The following ADGRL2 variants were observed in gnomAD, a reference collection of about 807,000 sequenced individuals.
ADGRL2 encodes the protein adhesion G protein-coupled receptor L2.
In ADGRL2, 44 loss-of-function variants were observed where a neutral mutation model predicts 157.4. That is an observed-to-expected ratio of 0.28 (90% CI 0.22 to 0.36). The LOEUF (loss-of-function observed/expected upper bound fraction) is 0.36, where lower values mean the gene tolerates loss of function less well. ADGRL2 is among the 10% of genes least tolerant of loss of function. The probability of loss-of-function intolerance (pLI) is 1.00; values close to 1 mark genes in which losing one functional copy is unlikely to be tolerated. For missense variants in ADGRL2, 1,510 were observed against 1,768.9 expected, an observed-to-expected ratio of 0.85 and a Z score of 2.63; for synonymous variants, 585 against 624.7, an observed-to-expected ratio of 0.94 and a Z score of 0.95.
At chr1:81,631,322 T>A (rs2082006784) in intron 3 of ADGRL2, among the ~76,000 whole-genome samples, 1 of 152,108 alleles carries the variant, frequency 6.6e-6, no homozygotes, top group Non-Finnish European at 1.5e-5. Flanking sequence ...GTTCAGGCAA[T>A]TCTCCTGCCT....
At chr1:81,950,567 A>T in intron 7 of ADGRL2, 85 bp downstream of exon 7, 4 of 1,291,260 alleles carry the variant, frequency 3.1e-6, no homozygotes, top group Non-Finnish European at 4.3e-6. Flanking sequence ...ATTCAAAGAA[A>T]GCGATGTTTA....
At chr1:81,808,431 CTT>C (rs903148847) in intron 1 of ADGRL2, among the ~76,000 whole-genome samples, 1 of 151,558 alleles carries the variant, frequency 6.6e-6, no homozygotes, top group African/African-American at 2.4e-5. Flanking sequence ...TTCTTGGTGA[CTT>C]TTGTTAGATG....
At chr1:81,897,482 G>A (rs2094412956) in intron 2 of ADGRL2, among the ~76,000 whole-genome samples, 1 of 152,082 alleles carries the variant, frequency 6.6e-6, no homozygotes, top group Admixed American at 6.6e-5. Context: ...TGGTACTTGT[G>A]AATTATTAAT....
At chr1:81,360,811 G>A (rs1473499411) in intron 1 of ADGRL2, among the ~76,000 whole-genome samples, 1 of 151,872 alleles carries the variant, frequency 6.6e-6, no homozygotes, top group East Asian at 1.9e-4. Flanking sequence ...CAACAAGTTG[G>A]CATCCTTTAT....
chr1:81,923,676 A>G (rs2095040821), intron 3 of ADGRL2, among the ~76,000 whole-genome samples: 1 of 152,114 alleles, frequency 6.6e-6, no homozygotes, highest in Non-Finnish European at 1.5e-5. Flanking sequence ...TGATTAAAAA[A>G]CCTTCAGTAA....
At chr1:81,916,982 A>T (rs621354) in intron 3 of ADGRL2, among the ~76,000 whole-genome samples, 52,279 of 150,736 alleles carry the variant, frequency 0.35, 10,575 homozygotes, top group East Asian at 0.75. Flanking sequence ...AGAAAAAAAA[A>T]ATACATATAT....
chr1:81,669,435 G>A (rs12135591), intron 3 of ADGRL2, among the ~76,000 whole-genome samples: 29,727 of 151,556 alleles, frequency 0.2, 3,712 homozygotes, highest in South Asian at 0.33. Flanking sequence ...CAAAGACTAT[G>A]GGAGTATATA....
chr1:81,570,372 ACATT>A (rs200358742), intron 2 of ADGRL2, among the ~76,000 whole-genome samples: 6 of 151,830 alleles, frequency 4.0e-5, no homozygotes, highest in African/African-American at 1.2e-4. Context: ...GGAGGATATT[ACATT>A]CGTTTGTTTG....
At chr1:81,430,204 A>G (rs2077295443) in intron 1 of ADGRL2, among the ~76,000 whole-genome samples, 1 of 152,162 alleles carries the variant, frequency 6.6e-6, no homozygotes, top group East Asian at 1.9e-4. Flanking sequence ...TGAGCTTTAT[A>G]TTGTAATGGG....
At chr1:81,501,494 G>A (rs982060225) in intron 2 of ADGRL2, among the ~76,000 whole-genome samples, 2 of 152,180 alleles carry the variant, frequency 1.3e-5, no homozygotes, top group African/African-American at 4.8e-5. Flanking sequence ...AAAATGTGTC[G>A]TATGCCTTAT....
chr1:81,502,557 A>AG, intron 2 of ADGRL2: 3 of 1,614,036 alleles, frequency 1.9e-6, no homozygotes, highest in Admixed American at 3.3e-5. Context: ...GTGACCGAGA[A>AG]GGGGGGCCTG....
chr1:81,876,196 A>T (rs555711087), intron 2 of ADGRL2, among the ~76,000 whole-genome samples: 1 of 152,168 alleles, frequency 6.6e-6, no homozygotes, highest in Non-Finnish European at 1.5e-5. Flanking sequence ...AGAGTTTTTG[A>T]TGCCTTGTCA....
At chr1:81,448,545 C>A (rs1006835929) in intron 2 of ADGRL2, among the ~76,000 whole-genome samples, 2 of 151,986 alleles carry the variant, frequency 1.3e-5, no homozygotes, top group African/African-American at 4.8e-5. Context: ...CTCATCATTT[C>A]AAGAATCATG....
At chr1:81,862,388 G>A (rs1476731217) in intron 2 of ADGRL2, among the ~76,000 whole-genome samples, 1 of 152,040 alleles carries the variant, frequency 6.6e-6, no homozygotes, top group Non-Finnish European at 1.5e-5. Flanking sequence ...TTAATTTGTG[G>A]CCTATAAATT....
chr1:81,581,258 T>G (rs2148540321), intron 3 of ADGRL2, among the ~76,000 whole-genome samples: 1 of 152,332 alleles, frequency 6.6e-6, no homozygotes, highest in South Asian at 2.1e-4. Context: ...ACATTAATGT[T>G]ATAGTAAAAT....
chr1:81,949,739 T>A (rs1369162546), intron 6 of ADGRL2, among the ~76,000 whole-genome samples: 1 of 152,214 alleles, frequency 6.6e-6, no homozygotes, highest in African/African-American at 2.4e-5. Flanking sequence ...TGGGTGACTT[T>A]AAATTTTTTT....
chr1:81,678,544 CAG>C (rs2083042356), intron 3 of ADGRL2, among the ~76,000 whole-genome samples: 1 of 152,172 alleles, frequency 6.6e-6, no homozygotes, highest in Non-Finnish European at 1.5e-5. Flanking sequence ...AGCATGAACA[CAG>C]AGGTATTTTT....
chr1:81,345,865 C>A (rs1662445962), intron 1 of ADGRL2, among the ~76,000 whole-genome samples: 1 of 152,104 alleles, frequency 6.6e-6, no homozygotes, highest in Admixed American at 6.6e-5. Context: ...TTGAAATATT[C>A]ATTATGTATT....
At chr1:81,570,991 G>A (rs1169546626) in intron 2 of ADGRL2, among the ~76,000 whole-genome samples, 1 of 152,056 alleles carries the variant, frequency 6.6e-6, no homozygotes, top group Non-Finnish European at 1.5e-5. Flanking sequence ...TAAGTGAATA[G>A]GCATGACTGT....
Sources: gnomAD v4.1 joint callset for allele counts (sites outside exome capture counted in the v4.1 genomes callset) on GRCh38, gnomAD v4.1.1 for gene constraint, MANE v1.5 for transcripts, NCBI Gene and HGNC (gene_info 2026-07-23, HGNC 2026-07-21) for gene names.